The following SEPTIN8 variants were observed in gnomAD, a reference collection of about 807,000 sequenced individuals.
SEPTIN8 encodes the protein septin-8.
SEPTIN8 carries 22 observed loss-of-function variants against 53.1 expected under a neutral mutation model. The ratio of observed to expected loss-of-function variants is 0.41; its 90% CI spans 0.30 to 0.59. The LOEUF (loss-of-function observed/expected upper bound fraction) is 0.59. Ranked by LOEUF, SEPTIN8 falls within the 20% of genes least tolerant of loss-of-function variation. The pLI is 0.24. For missense variants in SEPTIN8, 536 were observed against 638.7 expected (o/e 0.84, Z 1.73); for synonymous variants, 228 against 248.4 (o/e 0.92, Z 0.77).
rs149241049 is a variant in SEPTIN8, at chr5:132,761,911, G to A, written c.697-15C>T. 688 of 1,567,082 alleles carry A rather than the reference G, an allele frequency of 4.4e-4. 2 individuals are homozygous for A. The African/African-American group carries it at 6.8e-3, about 15-fold the overall frequency. On this transcript the variant is annotated splice_polypyrimidine_tract_variant and intron_variant, in intron 5 of 9. Transcript: ENST00000378719. This position sits in a 1 kb window ranked among gnomAD's most constrained non-coding sequence, Gnocchi z 5.8. ...GGCAGATGTGCCTGGAAAGGGGCCC[G>A]GGTATGCGTAAGCCCTGAGCTGACA...
chr5:132,777,274 T>TGGCGGC (rs934842247), upstream of SEPTIN8: 2 of 1,108,210 alleles, frequency 1.8e-6, no homozygotes, highest in Non-Finnish European at 1.1e-6. This position sits in a 1 kb window ranked among gnomAD's most constrained non-coding sequence, Gnocchi z 4.1. Flanking sequence ...AAACTCCCCT[T>TGGCGGC]GGCGGCGGCG....
At chr5:132,772,536 AC>A (rs1757419590) in intron 1 of SEPTIN8, among the ~76,000 whole-genome samples, 1 of 152,226 alleles carries the variant, frequency 6.6e-6, no homozygotes, top group African/African-American at 2.4e-5. Context: ...AGGGAAAGCC[AC>A]GAGTGGTCTG....
At chr5:132,771,349 G>A (rs1309768142) in intron 1 of SEPTIN8, among the ~76,000 whole-genome samples, 1 of 152,232 alleles carries the variant, frequency 6.6e-6, no homozygotes, top group Non-Finnish European at 1.5e-5. Flanking sequence ...TAGGCTGGTT[G>A]TTGCAGTGGG....
At chr5:132,770,290 T>G (rs1198067191) in intron 1 of SEPTIN8, among the ~76,000 whole-genome samples, 1 of 151,080 alleles carries the variant, frequency 6.6e-6, no homozygotes, top group African/African-American at 2.4e-5. Flanking sequence ...GCAATTCTCA[T>G]GCCTCAGACT....
upstream of SEPTIN8, chr5:132,778,362 AC>A (rs34833685): frequency 0.36 from 55,031 of 152,046 alleles, 16,748 homozygotes; most frequent in African/African-American, 0.8. Flanking sequence ...CCTAAAGACC[AC>A]GTTCGACTTA....
intron 9 of SEPTIN8, among the ~76,000 whole-genome samples, chr5:132,755,588 A>G (rs1460493315): frequency 3.3e-5 from 5 of 152,236 alleles, no homozygotes; most frequent in African/African-American, 1.2e-4. Flanking sequence ...TCATAGGATT[A>G]GGATGAGGAT....
At chr5:132,752,212 GC>G in intron 9 of SEPTIN8, 31 bp from the exon 10 acceptor site, 1 of 1,552,942 alleles carries the variant, frequency 6.4e-7, no homozygotes, top group Non-Finnish European at 8.7e-7. Context: ...CATCAACTTT[GC>G]CCCAGACCAG....
chr5:132,757,093 A>G (rs1001477688), intron 9 of SEPTIN8: 7 of 985,392 alleles, frequency 7.1e-6, no homozygotes, highest in African/African-American at 5.2e-5. Context: ...TTCAATTGCA[A>G]CCAGATACGG....
chr5:132,752,207 A>G (rs1212885695), intron 9 of SEPTIN8, 26 bp from the exon 10 acceptor site: 2 of 1,556,142 alleles, frequency 1.3e-6, no homozygotes, highest in Non-Finnish European at 8.7e-7. Context: ...GTAGACATCA[A>G]CTTTGCCCCA....
rs708461 is a variant in SEPTIN8 at position 132,751,125 on chromosome 5, G to C, written c.*891C>G. 181,218 of 1,017,668 alleles carry C rather than the reference G, an allele frequency of 0.18. 37,136 individuals are homozygous for C. Among genetic ancestry groups the C allele is most frequent in the African/African-American group, 0.79 (48,662 of 61,956 alleles). 63.0% of individuals were successfully genotyped at this position (1,017,668 alleles called of 1,614,324 possible). A position where few individuals can be genotyped will look rare whatever the true frequency, so the allele number is the denominator to read the frequency against. On this transcript the variant is annotated 3_prime_UTR_variant, in exon 10 of 10. Transcript: ENST00000378719. Reference sequence around the variant, plus strand: ...TGCACATGCACCACAGTGAGGTGACGCACAAGGCTCATGACATACGGAAGA... The same window carrying C: ...TGCACATGCACCACAGTGAGGTGACCCACAAGGCTCATGACATACGGAAGA...
At position 132,776,754 on chromosome 5, in the gene SEPTIN8, G is replaced by A. The variant is rs1010677725; in HGVS notation, c.30+354C>T. Among the ~76,000 whole-genome samples the A allele has an allele frequency of 6.6e-6, 1 of 152,176 alleles. No homozygotes were observed. The highest frequency in any genetic ancestry group is 1.5e-5 in the Non-Finnish European group (1 of 68,004). On this transcript the variant is annotated intron_variant, in intron 1 of 9. Coordinates refer to ENST00000378719, the MANE Select transcript of SEPTIN8 (RefSeq NM_001098811.2). This position sits in a 1 kb window ranked among gnomAD's most constrained non-coding sequence, Gnocchi z 4.4. The stretch of plus-strand genomic sequence containing the variant: ...CCAAGTGTGCAGAAAGAAACACCCT[G>A]GGCGATAGGGTCCGGAGTGTCCCGG...
chr5:132,769,982 CATATATATATATATAT>C (rs1164726534), intron 1 of SEPTIN8, among the ~76,000 whole-genome samples: 17 of 55,350 alleles, frequency 3.1e-4, no homozygotes, highest in East Asian at 2.6e-3. Flanking sequence ...TCTATATATA[CATATATATATATATAT>C]ATATATATAT....
At position 132,762,488 on chromosome 5, in the gene SEPTIN8, A is replaced by C; in HGVS notation, c.692T>G (p.Met231Arg). Residue 231 changes from methionine (M) to arginine (R), a missense_variant, in exon 5 of 10, where the codon ATG (methionine) becomes AGG (arginine). Physicochemically the swap from Met to Arg is moderately conservative, Grantham distance 91 (BLOSUM62 -1). This residue lies in a region of SEPTIN8 where 395 missense variants were observed against 451.8 expected (regional missense o/e 0.87). Transcript: ENST00000378719. ...AGGCCCTCACCCAACGCTCACATTC[A>C]TGACTGCGTTAATCTCTGCAACAGC... ...DEAVAEINAV[M>R]NAHLPFAVVG... 6.2e-7 allele frequency: 1 copy of C among 1,614,124 alleles called. No homozygotes were observed. Among genetic ancestry groups the C allele is most frequent in the Non-Finnish European group, 8.5e-7 (1 of 1,179,978 alleles).
rs1757797090 is a variant in SEPTIN8 at position 132,776,408 on chromosome 5, A to ACCG, written c.30+699_30+700insCGG. On this transcript the variant is annotated intron_variant, in intron 1 of 9. Coordinates refer to ENST00000378719, the MANE Select transcript of SEPTIN8 (RefSeq NM_001098811.2). This position sits in a 1 kb window ranked among gnomAD's most constrained non-coding sequence, Gnocchi z 4.4. The stretch of plus-strand genomic sequence containing the variant: ...CAGTGAGACCCCTGCAGGGACCACC[A>ACCG]GGGACATCAACCTTCTGAGGACCTG... Among the ~76,000 whole-genome samples, 1 of 152,196 alleles carries ACCG rather than the reference A, an allele frequency of 6.6e-6. No homozygotes were observed.
At chr5:132,757,930 C>G (rs1019815237) in intron 9 of SEPTIN8, 5 of 985,870 alleles carry the variant, frequency 5.1e-6, no homozygotes, top group Non-Finnish European at 6.0e-6. Flanking sequence ...CCACTGAGTA[C>G]TCTTTACATT....
At chr5:132,771,502 C>G (rs1033809620) in intron 1 of SEPTIN8, among the ~76,000 whole-genome samples, 15 of 152,210 alleles carry the variant, frequency 9.9e-5, no homozygotes, top group South Asian at 2.1e-4. Flanking sequence ...GCCTAGCACC[C>G]ACTCACCTGT....
intron 9 of SEPTIN8, chr5:132,753,129 A>C (rs1755007283): frequency 1.6e-6 from 1 of 633,188 alleles, no homozygotes; most frequent in Non-Finnish European, 2.8e-6. Context: ...TGGAAAAAAA[A>C]TAAAGGGGAG....
intron 9 of SEPTIN8, chr5:132,752,849 ACT>A (rs770360605): frequency 2.5e-6 from 4 of 1,598,946 alleles, no homozygotes; most frequent in African/African-American, 2.7e-5. Flanking sequence ...GAAGATGGCC[ACT>A]CTATTCTAAT....
At chr5:132,770,534 T>C (rs1490387818) in intron 1 of SEPTIN8, among the ~76,000 whole-genome samples, 2 of 152,086 alleles carry the variant, frequency 1.3e-5, no homozygotes, top group Non-Finnish European at 2.9e-5. Flanking sequence ...TGACAACCAA[T>C]ACAAACTGAG....
Sources: allele counts gnomAD v4.1 joint callset (sites outside exome capture counted in the v4.1 genomes callset), GRCh38; gene constraint gnomAD v4.1.1; regional missense constraint gnomAD v4.1.1; non-coding constraint Gnocchi (gnomAD v3.1); transcripts MANE v1.5; gene names NCBI Gene and HGNC (gene_info 2026-07-23, HGNC 2026-07-21).